The following LHFPL6 variants were observed in gnomAD, a reference collection of about 807,000 sequenced individuals.
LHFPL6 encodes LHFPL tetraspan subfamily member 6 protein.
In LHFPL6, 9 loss-of-function variants were observed where a neutral mutation model predicts 20.6. The ratio of observed to expected loss-of-function variants is 0.44; its 90% CI spans 0.26 to 0.76. LHFPL6 has a LOEUF of 0.76. Among genes scored for constraint, LHFPL6 ranks in the 30% least tolerant of loss-of-function variants. The pLI is 0.20. For synonymous variants in LHFPL6, 105 were observed against 98.7 expected (o/e 1.06, Z -0.38); for missense variants, 218 against 253.5 (o/e 0.86, Z 0.95).
chr13:39,427,936 C>G (rs1048011267), intron 2 of LHFPL6, among the ~76,000 whole-genome samples: 2 of 152,218 alleles, frequency 1.3e-5, no homozygotes, highest in Non-Finnish European at 2.9e-5. Context: ...CCTTCCCGCT[C>G]TCTCTTCCTC....
chr13:39,434,676 C>A (rs963072138), intron 2 of LHFPL6, among the ~76,000 whole-genome samples: 1 of 152,220 alleles, frequency 6.6e-6, no homozygotes, highest in South Asian at 2.1e-4. Context: ...GTTGCAGCAC[C>A]AAACTGTACT....
intron 2 of LHFPL6, among the ~76,000 whole-genome samples, chr13:39,533,410 T>C (rs1444996352): frequency 8.7e-6 from 1 of 114,646 alleles, no homozygotes; most frequent in Non-Finnish European, 2.1e-5. Flanking sequence ...CACATGCATG[T>C]CTGAATAGAG....
At chr13:39,552,636 G>A (rs1222288637) in intron 2 of LHFPL6, among the ~76,000 whole-genome samples, 2 of 152,234 alleles carry the variant, frequency 1.3e-5, no homozygotes, top group Non-Finnish European at 2.9e-5. Context: ...GGCTCTGCAT[G>A]GGACTAGCAA....
intron 2 of LHFPL6, among the ~76,000 whole-genome samples, chr13:39,528,369 G>C (rs1051245978): frequency 2.0e-5 from 3 of 152,144 alleles, no homozygotes; most frequent in Admixed American, 6.5e-5. Context: ...CTTAGAAAGA[G>C]AAATTAAAGC....
chr13:39,493,000 T>G (rs1456412510), intron 2 of LHFPL6, among the ~76,000 whole-genome samples: 1 of 151,266 alleles, frequency 6.6e-6, no homozygotes, highest in Non-Finnish European at 1.5e-5. Flanking sequence ...TCTAAAACAA[T>G]TTTAATAGCT....
At chr13:39,510,284 A>T (rs1023624301) in intron 2 of LHFPL6, among the ~76,000 whole-genome samples, 2 of 152,264 alleles carry the variant, frequency 1.3e-5, no homozygotes, top group African/African-American at 4.8e-5. Flanking sequence ...ACTGGTTTAT[A>T]AGAAAGATTC....
chr13:39,571,372 A>C (rs1871910267), intron 2 of LHFPL6, among the ~76,000 whole-genome samples: 1 of 152,152 alleles, frequency 6.6e-6, no homozygotes, highest in Non-Finnish European at 1.5e-5. Context: ...ACACCGTCAT[A>C]TCCAACTTTG....
chr13:39,343,708 C>A lies in LHFPL6; in HGVS notation c.*228G>T. ...ACCCGATGCCCTGCAATATTTTTAG[C>A]CTTTGGTCCATTTTTCTCCATCATT... On this transcript the variant is annotated 3_prime_UTR_variant, in exon 4 of 4. Coordinates refer to ENST00000379589, the MANE Select transcript of LHFPL6 (RefSeq NM_005780.3). The A allele has an allele frequency of 7.5e-6, 3 of 402,610 alleles. No homozygotes were observed. The highest frequency in any genetic ancestry group is 9.0e-6 in the Non-Finnish European group (2 of 221,344). The allele number at this position is 402,610 out of a possible 1,614,324, so 24.9% of individuals were successfully genotyped here. A position where few individuals can be genotyped will look rare whatever the true frequency, so the allele number is the denominator to read the frequency against.
chr13:39,592,738 G>A (rs1872649833), intron 2 of LHFPL6, among the ~76,000 whole-genome samples: 2 of 152,130 alleles, frequency 1.3e-5, no homozygotes, highest in South Asian at 2.1e-4. Context: ...ATACTGGCAA[G>A]CTGAATCCAG....
At chr13:39,373,448 A>G (rs946889846) in intron 3 of LHFPL6, among the ~76,000 whole-genome samples, 1 of 152,168 alleles carries the variant, frequency 6.6e-6, no homozygotes, top group African/African-American at 2.4e-5. Flanking sequence ...TTCCCATTCT[A>G]TGTCAGTGTT....
At chr13:39,478,895 C>A (rs1868398332) in intron 2 of LHFPL6, among the ~76,000 whole-genome samples, 1 of 151,930 alleles carries the variant, frequency 6.6e-6, no homozygotes, top group African/African-American at 2.4e-5. Context: ...ACTTCTCAGC[C>A]TCCATAATCA....
At chr13:39,409,470 A>G (rs1566104958) in intron 2 of LHFPL6, among the ~76,000 whole-genome samples, 2 of 152,076 alleles carry the variant, frequency 1.3e-5, no homozygotes, top group African/African-American at 2.4e-5. Flanking sequence ...AAAAAAAACA[A>G]AAAAACAAAA....
At chr13:39,394,905 AAAG>A (rs1251492911) in intron 2 of LHFPL6, among the ~76,000 whole-genome samples, 2 of 152,206 alleles carry the variant, frequency 1.3e-5, no homozygotes, top group East Asian at 3.8e-4. Context: ...GTCACACAGA[AAAG>A]AAGAAAGTAC....
chr13:39,544,689 G>A lies in LHFPL6; in HGVS notation c.385+56143C>T, dbSNP rs986058641. 5.3e-5 allele frequency among the ~76,000 whole-genome samples: 8 copies of A among 151,506 alleles called. No homozygotes were observed. In the South Asian group the frequency reaches 8.3e-4, roughly 16 times the overall value. ...TAAGAAACATTAATAATTCACATGC[G>A]AAGGACAAAGAAACCTACAAGAATC... On this transcript the variant is annotated intron_variant, in intron 2 of 3. Coordinates refer to ENST00000379589, the MANE Select transcript of LHFPL6 (RefSeq NM_005780.3).
chr13:39,448,240 T>G (rs1455674539), intron 2 of LHFPL6, among the ~76,000 whole-genome samples: 2 of 152,246 alleles, frequency 1.3e-5, no homozygotes, highest in African/African-American at 4.8e-5. Flanking sequence ...GGGTACATTT[T>G]GTGTTAAATA....
intron 2 of LHFPL6, among the ~76,000 whole-genome samples, chr13:39,590,867 CT>C: frequency 6.6e-6 from 1 of 152,298 alleles, no homozygotes; most frequent in East Asian, 1.9e-4. Context: ...GCATTTCAGT[CT>C]GTTAGTGAGG....
chr13:39,501,618 A>C (rs1266829403), intron 2 of LHFPL6, among the ~76,000 whole-genome samples: 11 of 152,050 alleles, frequency 7.2e-5, no homozygotes. Context: ...GAGGATGGTT[A>C]TTTGTGGCAT....
intron 2 of LHFPL6, among the ~76,000 whole-genome samples, chr13:39,520,754 T>C (rs1870082917): frequency 6.6e-6 from 1 of 152,200 alleles, no homozygotes; most frequent in African/African-American, 2.4e-5. Context: ...AAATCTCTCC[T>C]GCCTGAGGTA....
At chr13:39,464,491 G>A (rs1872754965) in intron 2 of LHFPL6, among the ~76,000 whole-genome samples, 1 of 152,224 alleles carries the variant, frequency 6.6e-6, no homozygotes, top group South Asian at 2.1e-4. Context: ...ATGAACCACA[G>A]TAGTTAACTC....
Sources: gnomAD v4.1 joint callset for allele counts (sites outside exome capture counted in the v4.1 genomes callset) on GRCh38, gnomAD v4.1.1 for gene constraint, MANE v1.5 for transcripts, NCBI Gene and HGNC (gene_info 2026-07-23, HGNC 2026-07-21) for gene names.